Variants in SMYD3 observed in about 807,000 individuals in gnomAD.
The protein encoded by SMYD3 is histone-lysine N-methyltransferase SMYD3.
SMYD3 carries 36 observed loss-of-function variants against 57.7 expected under a neutral mutation model. That is an observed-to-expected ratio of 0.62 (90% CI 0.48 to 0.82). The LOEUF (loss-of-function observed/expected upper bound fraction) is 0.82. SMYD3 is among the 40% of genes least tolerant of loss of function. The pLI is 0.00. For synonymous variants in SMYD3, 211 were observed against 195.0 expected (o/e 1.08, Z -0.68); for missense variants, 515 against 538.8 (o/e 0.96, Z 0.44).
At chr1:246,023,531 C>T (rs376289420) in intron 5 of SMYD3, among the ~76,000 whole-genome samples, 1 of 151,412 alleles carries the variant, frequency 6.6e-6, no homozygotes, top group African/African-American at 2.5e-5. Context: ...ACTATTTTAG[C>T]ATTGTCAAGG....
At chr1:245,956,181 G>C in intron 5 of SMYD3, 2 of 486,540 alleles carry the variant, frequency 4.1e-6, no homozygotes, top group Non-Finnish European at 5.3e-6. Flanking sequence ...GCCTCCCAAA[G>C]TGTTGGGATT....
intron 5 of SMYD3, among the ~76,000 whole-genome samples, chr1:246,229,719 T>G (rs930865029): frequency 6.6e-6 from 1 of 152,172 alleles, no homozygotes; most frequent in Admixed American, 6.5e-5. Flanking sequence ...CCTTTTATAT[T>G]GACACCAATC....
intron 1 of SMYD3, among the ~76,000 whole-genome samples, chr1:246,375,204 A>G (rs951448987): frequency 5.9e-5 from 9 of 152,202 alleles, no homozygotes; most frequent in African/African-American, 2.2e-4. Flanking sequence ...TCAGGAACCT[A>G]ATCCTGTATA....
chr1:245,974,554 G>T (rs1350295257), intron 5 of SMYD3, among the ~76,000 whole-genome samples: 1 of 47,960 alleles, frequency 2.1e-5, no homozygotes, highest in African/African-American at 8.9e-5. Context: ...ATCGTCTCCG[G>T]CCCAGGGAAA....
Position 246,095,775 on chromosome 1 carries a change from C to A in SMYD3, c.532-165838G>T, listed in dbSNP as rs541871487. The stretch of plus-strand genomic sequence containing the variant: ...GCCACAGTCCCAGCTACTCAGGAAG[C>A]CAAGGCAGGAGCATCGCCTGAGCTC... On this transcript the variant is annotated intron_variant, in intron 5 of 11. Coordinates refer to ENST00000490107, the MANE Select transcript of SMYD3 (RefSeq NM_001167740.2). Among the ~76,000 whole-genome samples the A allele has an allele frequency of 2.6e-5, 4 of 152,276 alleles. No individual in the cohort carries two copies. The South Asian group carries it at 6.2e-4, about 24-fold the overall frequency.
intron 10 of SMYD3, among the ~76,000 whole-genome samples, chr1:245,839,386 G>A (rs537810749): frequency 6.6e-5 from 10 of 151,920 alleles, no homozygotes; most frequent in South Asian, 6.2e-4. Flanking sequence ...AGCCAGGATG[G>A]TCTCGATCTC....
chr1:245,916,778 T>A (rs556884986), intron 7 of SMYD3, among the ~76,000 whole-genome samples: 1 of 152,250 alleles, frequency 6.6e-6, no homozygotes, highest in South Asian at 2.1e-4. Flanking sequence ...GCCAGAGTGA[T>A]TCACATAAAA....
chr1:246,285,976 A>G (rs894139337), intron 5 of SMYD3, among the ~76,000 whole-genome samples: 3 of 152,184 alleles, frequency 2.0e-5, no homozygotes, highest in Non-Finnish European at 2.9e-5. Flanking sequence ...ATAACCAAAA[A>G]AATTTAAAAA....
intron 5 of SMYD3, among the ~76,000 whole-genome samples, chr1:246,262,413 C>A (rs2064028987): frequency 6.6e-6 from 1 of 152,202 alleles, no homozygotes; most frequent in Non-Finnish European, 1.5e-5. Context: ...AAACACAGTT[C>A]TGGACATATT....
At chr1:246,282,593 A>G (rs2064477029) in intron 5 of SMYD3, among the ~76,000 whole-genome samples, 2 of 151,106 alleles carry the variant, frequency 1.3e-5, no homozygotes, top group South Asian at 2.1e-4. Context: ...TTGCTTACCT[A>G]TCATTATTTT....
At chr1:245,980,065 G>C (rs948898554) in intron 5 of SMYD3, among the ~76,000 whole-genome samples, 1 of 152,202 alleles carries the variant, frequency 6.6e-6, no homozygotes, top group East Asian at 1.9e-4. Context: ...CTATAAGTGG[G>C]AATGATAGTG....
At chr1:245,759,915 A>G (rs1281886366) in intron 11 of SMYD3, among the ~76,000 whole-genome samples, 2 of 152,258 alleles carry the variant, frequency 1.3e-5, no homozygotes, top group African/African-American at 4.8e-5. Context: ...CTGATTAACA[A>G]GACAGCCCAG....
intron 5 of SMYD3, among the ~76,000 whole-genome samples, chr1:246,227,893 G>C (rs1215662022): frequency 6.6e-6 from 1 of 150,476 alleles, no homozygotes; most frequent in Non-Finnish European, 1.5e-5. Context: ...TCATAAAATA[G>C]ATTTGGCATC....
chr1:246,393,437 T>C (rs1022333104), intron 1 of SMYD3, among the ~76,000 whole-genome samples: 3 of 152,132 alleles, frequency 2.0e-5, no homozygotes, highest in Non-Finnish European at 2.9e-5. Context: ...ACTTCATCTA[T>C]TTCTCTCAAC....
chr1:246,233,827 C>G (rs934026536), intron 5 of SMYD3, among the ~76,000 whole-genome samples: 2 of 134,920 alleles, frequency 1.5e-5, no homozygotes, highest in African/African-American at 5.6e-5. Flanking sequence ...AGGAGAAGCA[C>G]TCCTTCAATC....
At position 246,244,893 on chromosome 1, in the gene SMYD3, A is replaced by G. The variant is rs556584590; in HGVS notation, c.531+82308T>C. Among the ~76,000 whole-genome samples, 19 of 152,338 alleles carry G rather than the reference A, an allele frequency of 1.2e-4. No individual in the cohort carries two copies. In the South Asian group the frequency reaches 2.5e-3, roughly 20 times the overall value. The stretch of plus-strand genomic sequence containing the variant: ...TATGGACTCCATCTAAACATTATTC[A>G]TGAACTATTCTGAATACATACCAAA... On this transcript the variant is annotated intron_variant, in intron 5 of 11. Coordinates refer to ENST00000490107, the MANE Select transcript of SMYD3 (RefSeq NM_001167740.2).
chr1:246,317,297 A>T (rs56362538), intron 5 of SMYD3, among the ~76,000 whole-genome samples: 19,152 of 152,296 alleles, frequency 0.13, 1,648 homozygotes, highest in East Asian at 0.3. Context: ...TTAGAAAATA[A>T]CAAAGTATTT....
intron 5 of SMYD3, among the ~76,000 whole-genome samples, chr1:246,224,289 G>A (rs575309046): frequency 7.2e-5 from 11 of 152,016 alleles, no homozygotes; most frequent in African/African-American, 9.7e-5. Context: ...GGTGGGGTGT[G>A]GCATTTGAAC....
chr1:246,349,812 C>G (rs868336726), intron 2 of SMYD3, among the ~76,000 whole-genome samples: 1 of 151,996 alleles, frequency 6.6e-6, no homozygotes, highest in Non-Finnish European at 1.5e-5. Flanking sequence ...AGAAATCATA[C>G]AAAAGGCTCA....
Sources: gnomAD v4.1 joint callset for allele counts (sites outside exome capture counted in the v4.1 genomes callset) on GRCh38, gnomAD v4.1.1 for gene constraint, MANE v1.5 for transcripts, NCBI Gene and HGNC (gene_info 2026-07-23, HGNC 2026-07-21) for gene names.